COL22A1: variants seen among roughly 807,000 people sequenced by gnomAD.
The protein encoded by COL22A1 is collagen type XXII alpha 1 chain.
In COL22A1, 221 loss-of-function variants were observed where a neutral mutation model predicts 248.9. The ratio of observed to expected loss-of-function variants is 0.89; its 90% CI spans 0.80 to 0.99. COL22A1 has a LOEUF of 0.99. COL22A1 is among the 50% of genes least tolerant of loss of function. COL22A1 has a pLI of 0.00. For missense variants in COL22A1, 2,240 were observed against 2,179.0 expected (o/e 1.03, Z -0.56); for synonymous variants, 891 against 793.4 (o/e 1.12, Z -2.07).
intron 30 of COL22A1, among the ~76,000 whole-genome samples, chr8:138,706,610 C>A (rs1233824189): frequency 2.0e-5 from 3 of 152,136 alleles, no homozygotes; most frequent in Non-Finnish European, 4.4e-5. Context: ...ACACAACATA[C>A]CAGAATCTCT....
At chr8:138,649,923 G>A (rs1003083813) in intron 45 of COL22A1, 145 bp from the exon 46 acceptor site, 3 of 564,974 alleles carry the variant, frequency 5.3e-6, no homozygotes, top group Non-Finnish European at 6.1e-6. Context: ...CAAACAGGTG[G>A]ACTGAGTCAT....
chr8:138,604,815 A>T (rs1178440867), intron 58 of COL22A1, 46 bp from the exon 59 acceptor site: 2 of 1,463,316 alleles, frequency 1.4e-6, no homozygotes, highest in Non-Finnish European at 1.9e-6. Context: ...CATCAGCCCA[A>T]TGTCAGTACT....
At chr8:138,705,933 G>A (rs188866797) in intron 30 of COL22A1, among the ~76,000 whole-genome samples, 192 of 152,214 alleles carry the variant, frequency 1.3e-3, no homozygotes, top group African/African-American at 4.6e-3. Context: ...AGGGATAGAG[G>A]AAGATCTACC....
At position 138,690,774 on chromosome 8, in the gene COL22A1, C is replaced by T. The variant is rs775071251; in HGVS notation, c.2808+47G>A. The T allele has an allele frequency of 7.9e-6, 12 of 1,512,802 alleles. No homozygotes were observed. The East Asian group carries it at 2.6e-4, about 32-fold the overall frequency. 93.7% of individuals were successfully genotyped at this position (1,512,802 alleles called of 1,614,324 possible). ...CTGGCTTTTGGGGAGGATACATTAA[C>T]TAGCTTGGTGGCTGGGCCGTGCGTA... On this transcript the variant is annotated intron_variant, in intron 36 of 64. Coordinates refer to ENST00000303045, the MANE Select transcript of COL22A1 (RefSeq NM_152888.3).
rs148142609 is a variant in COL22A1, at chr8:138,614,505, C to A, written c.3925-585G>T. ...GAAAATGGATTTTTAAAATAAAAGT[C>A]AAATGGCTAAGATGGAGGGAAGGAA... On this transcript the variant is annotated intron_variant, in intron 55 of 64. Transcript: ENST00000303045. 7.2e-5 allele frequency among the ~76,000 whole-genome samples: 11 copies of A among 152,308 alleles called. No individual in the cohort carries two copies. In the East Asian group the frequency reaches 7.7e-4, roughly 11 times the overall value.
At position 138,724,488 on chromosome 8, in the gene COL22A1, G is replaced by A. The variant is rs867755995; in HGVS notation, c.2247+127C>T. The A allele has an allele frequency of 3.4e-5, 29 of 847,704 alleles. No individual in the cohort carries two copies. In the Middle Eastern group the frequency reaches 6.9e-4, roughly 20 times the overall value. 52.5% of individuals were successfully genotyped at this position (847,704 alleles called of 1,614,324 possible). On this transcript the variant is annotated intron_variant, in intron 25 of 64. Coordinates refer to ENST00000303045, the MANE Select transcript of COL22A1 (RefSeq NM_152888.3). ...ACCCAGCTGAGCTCCGGGGCTGCAG[G>A]CCTTGCTGGCCAAGGAGTCCTCAGC... is the stretch of plus-strand genomic sequence containing the variant.
intron 3 of COL22A1, among the ~76,000 whole-genome samples, chr8:138,855,680 C>G (rs1821956637): frequency 6.6e-6 from 1 of 152,216 alleles, no homozygotes; most frequent in Non-Finnish European, 1.5e-5. Flanking sequence ...CCCTTGAGCT[C>G]TCTGAGCAAC....
intron 10 of COL22A1, among the ~76,000 whole-genome samples, chr8:138,806,461 A>G (rs906502019): frequency 6.6e-6 from 1 of 151,952 alleles, no homozygotes; most frequent in African/African-American, 2.4e-5. Context: ...AAAGAGAAAG[A>G]GAAAAGGCAG....
chr8:138,630,790 G>A, intron 49 of COL22A1, 42 bp from the exon 50 acceptor site: 1 of 1,567,064 alleles, frequency 6.4e-7, no homozygotes, highest in Non-Finnish European at 8.8e-7. Context: ...TGTGCATCTA[G>A]ACAGAGGTCA....
chr8:138,795,441 T>C (rs1406186215), intron 12 of COL22A1, among the ~76,000 whole-genome samples: 1 of 151,998 alleles, frequency 6.6e-6, no homozygotes, highest in Non-Finnish European at 1.5e-5. Context: ...AACATCCTCA[T>C]AACTTTTTCA....
chr8:138,877,973 C>T lies in COL22A1; in HGVS notation c.435G>A (p.Val145=), dbSNP rs1286896664. The T allele has an allele frequency of 1.9e-6, 3 of 1,591,988 alleles. No homozygotes were observed. The highest frequency in any genetic ancestry group is 3.3e-4 in the Middle Eastern group (2 of 6,022). The stretch of plus-strand genomic sequence containing the variant: ...TGCGGCCGTCGGTGAGCAGGATGGC[C>T]ACCTGCTTGTAGGCGCGGTCCCTGG... ...GRPRDRAYKQ[V]AILLTDGRSQ... Residue 145 remains valine, a synonymous_variant, in exon 3 of 65, where the codon GTG becomes GTA. Coordinates refer to ENST00000303045, the MANE Select transcript of COL22A1 (RefSeq NM_152888.3).
intron 25 of COL22A1, among the ~76,000 whole-genome samples, chr8:138,723,987 A>G (rs1320148273): frequency 6.6e-6 from 1 of 152,106 alleles, no homozygotes; most frequent in Non-Finnish European, 1.5e-5. Flanking sequence ...GGGCTCAATG[A>G]GGGAGAACTA....
chr8:138,601,660 G>T (rs1430400961), intron 60 of COL22A1, among the ~76,000 whole-genome samples: 1 of 152,128 alleles, frequency 6.6e-6, no homozygotes, highest in Non-Finnish European at 1.5e-5. Context: ...TGTAAAGAAA[G>T]GCTTTCTGAG....
chr8:138,879,968 G>A (rs902209905), intron 2 of COL22A1, among the ~76,000 whole-genome samples: 1 of 152,186 alleles, frequency 6.6e-6, no homozygotes, highest in African/African-American at 2.4e-5. Flanking sequence ...AGTGGCCATG[G>A]ACTTGTCACA....
intron 47 of COL22A1, among the ~76,000 whole-genome samples, chr8:138,642,566 A>T (rs904846656): frequency 6.6e-6 from 1 of 152,196 alleles, no homozygotes; most frequent in Non-Finnish European, 1.5e-5. Flanking sequence ...TGTTCTCAGA[A>T]TATTTAAAGG....
intron 30 of COL22A1, among the ~76,000 whole-genome samples, chr8:138,713,329 T>C (rs181942775): frequency 1.1e-4 from 16 of 152,218 alleles, no homozygotes; most frequent in Admixed American, 2.6e-4. Flanking sequence ...AGTACATCTC[T>C]CTATGCCTTA....
chr8:138,619,573 C>G, intron 52 of COL22A1, 65 bp from the exon 53 acceptor site: 1 of 1,481,246 alleles, frequency 6.8e-7, no homozygotes, highest in Middle Eastern at 1.7e-4. Flanking sequence ...ATTCCTGGCT[C>G]TCTGTGTTTC....
intron 17 of COL22A1, among the ~76,000 whole-genome samples, chr8:138,761,799 TA>T (rs1390657133): frequency 1.3e-5 from 2 of 152,300 alleles, no homozygotes; most frequent in Middle Eastern, 3.4e-3. Context: ...CTGAAGTGCA[TA>T]AACATTTAAA....
intron 64 of COL22A1, 59 bp from the exon 65 acceptor site, chr8:138,589,499 G>T (rs549844778): frequency 1.5e-6 from 2 of 1,328,558 alleles, no homozygotes; most frequent in Non-Finnish European, 1.0e-6. Flanking sequence ...GAGGGGATGG[G>T]CCCTGAACTC....
Sources: gnomAD v4.1 joint callset for allele counts (sites outside exome capture counted in the v4.1 genomes callset) on GRCh38, gnomAD v4.1.1 for gene constraint, MANE v1.5 for transcripts, NCBI Gene and HGNC (gene_info 2026-07-23, HGNC 2026-07-21) for gene names.